The following NEK11 variants were observed in gnomAD, a reference collection of about 807,000 sequenced individuals.
NEK11 encodes the protein NIMA related kinase 11.
Under a neutral mutation model 80.7 loss-of-function variants are expected in NEK11, and 72 were observed. That is an observed-to-expected ratio of 0.89 (90% CI 0.74 to 1.08). The LOEUF is 1.08. NEK11 is among the 50% of genes least tolerant of loss of function. The pLI is 0.00. For synonymous variants in NEK11, 251 were observed against 260.7 expected (o/e 0.96, Z 0.36); for missense variants, 764 against 763.6 (o/e 1.00, Z -0.01).
intron 17 of NEK11, among the ~76,000 whole-genome samples, chr3:131,336,737 T>C (rs920346494): frequency 6.6e-6 from 1 of 152,112 alleles, no homozygotes; most frequent in Non-Finnish European, 1.5e-5. Context: ...AGGGCTAATA[T>C]CCAGAATCTA....
chr3:131,090,865 A>C (rs901637217), intron 4 of NEK11, among the ~76,000 whole-genome samples: 1 of 152,068 alleles, frequency 6.6e-6, no homozygotes. Flanking sequence ...CCTGGACTCA[A>C]ATGCTCTTCC....
chr3:131,233,003 AGG>A (rs1479033305), intron 15 of NEK11, among the ~76,000 whole-genome samples: 1 of 150,610 alleles, frequency 6.6e-6, no homozygotes, highest in Non-Finnish European at 1.5e-5. Flanking sequence ...GAAGGAAGGA[AGG>A]AAGGAAGGAA....
intron 4 of NEK11, among the ~76,000 whole-genome samples, chr3:131,106,607 A>G (rs1245416195): frequency 6.6e-6 from 1 of 152,162 alleles, no homozygotes; most frequent in Non-Finnish European, 1.5e-5. Flanking sequence ...ATATACTTTT[A>G]TTAGCTACTA....
At chr3:131,165,965 C>A (rs901995803) in intron 12 of NEK11, among the ~76,000 whole-genome samples, 1 of 152,054 alleles carries the variant, frequency 6.6e-6, no homozygotes, top group Non-Finnish European at 1.5e-5. Flanking sequence ...TAATTTCATT[C>A]AAATTTTAAC....
rs192642353 is a variant in NEK11, at chr3:131,128,417, C to T, written c.456-4328C>T. Among the ~76,000 whole-genome samples, 7 of 152,304 alleles carry T rather than the reference C, an allele frequency of 4.6e-5. No individual in the cohort carries two copies. In the East Asian group the frequency reaches 1.3e-3, roughly 29 times the overall value. ...TATAGCTGGAATCATATATAGATTT[C>T]TCAGGCTGACTTCTTTCACTTAGTA... On this transcript the variant is annotated intron_variant, in intron 5 of 17. Transcript: ENST00000383366.
At chr3:131,033,626 C>G (rs1015195065) in intron 3 of NEK11, among the ~76,000 whole-genome samples, 2 of 152,180 alleles carry the variant, frequency 1.3e-5, no homozygotes, top group African/African-American at 4.8e-5. Context: ...TAGTACTTAA[C>G]TTTTCCGTCA....
chr3:131,227,767 T>C (rs888322315), intron 14 of NEK11, among the ~76,000 whole-genome samples: 4 of 152,178 alleles, frequency 2.6e-5, no homozygotes, highest in African/African-American at 7.2e-5. Flanking sequence ...TAGTAAATTA[T>C]ATTGTTATGC....
chr3:131,126,112 A>G (rs183149608), intron 5 of NEK11, among the ~76,000 whole-genome samples: 3 of 152,344 alleles, frequency 2.0e-5, no homozygotes. Flanking sequence ...ATTTCTTCTT[A>G]AAGACTTTGA....
chr3:131,327,346 G>T (rs1279166782), intron 17 of NEK11: 1 of 152,238 alleles, frequency 6.6e-6, no homozygotes, highest in African/African-American at 2.4e-5. Flanking sequence ...TTAGACATAA[G>T]GGCTGCAGTA....
chr3:131,131,034 C>G (rs2084357275), intron 5 of NEK11, among the ~76,000 whole-genome samples: 1 of 152,116 alleles, frequency 6.6e-6, no homozygotes, highest in African/African-American at 2.4e-5. Context: ...ACTCCTGACC[C>G]CAGGTGATCC....
intron 4 of NEK11, among the ~76,000 whole-genome samples, chr3:131,091,257 T>C (rs2149148019): frequency 6.6e-6 from 1 of 152,350 alleles, no homozygotes; most frequent in Non-Finnish European, 1.5e-5. Context: ...TCTTTCTTCT[T>C]TTTAAAGTTC....
At chr3:131,076,952 T>C (rs779801658) in intron 3 of NEK11, among the ~76,000 whole-genome samples, 3 of 152,224 alleles carry the variant, frequency 2.0e-5, no homozygotes, top group Non-Finnish European at 4.4e-5. Context: ...TGAAAAGATA[T>C]GTGAAAATTT....
Position 131,303,562 on chromosome 3 carries a change from G to A in NEK11, c.1718+29988G>A, listed in dbSNP as rs145406184. 3.7e-4 allele frequency among the ~76,000 whole-genome samples: 56 copies of A among 152,210 alleles called. No individual in the cohort carries two copies. In the East Asian group the frequency reaches 0.011, roughly 29 times the overall value. Reference sequence around the variant, plus strand: ...CCTTAGAATTTGCTTGTCTTAAAAGGATCTCAGGGTTTTTTGTTGTTGTTG... The same window carrying A: ...CCTTAGAATTTGCTTGTCTTAAAAGAATCTCAGGGTTTTTTGTTGTTGTTG... On this transcript the variant is annotated intron_variant, in intron 17 of 17. Coordinates refer to ENST00000383366, the MANE Select transcript of NEK11 (RefSeq NM_024800.5).
intron 17 of NEK11, chr3:131,327,219 T>C (rs1460475882): frequency 6.6e-6 from 1 of 152,352 alleles, no homozygotes; most frequent in Non-Finnish European, 1.5e-5. Context: ...CCAAGCCCAT[T>C]TCTACAGTCT....
chr3:131,258,228 T>G (rs980618393), intron 16 of NEK11, among the ~76,000 whole-genome samples: 27 of 152,108 alleles, frequency 1.8e-4, no homozygotes, highest in African/African-American at 6.3e-4. Context: ...ACTGCTCTAG[T>G]GATGGGTGCA....
intron 17 of NEK11, among the ~76,000 whole-genome samples, chr3:131,276,992 G>T (rs2096303340): frequency 6.6e-6 from 1 of 152,192 alleles, no homozygotes; most frequent in African/African-American, 2.4e-5. Context: ...TTTGAAGAGT[G>T]CAGGCCAGTT....
At chr3:131,176,970 G>A (rs948174526) in intron 14 of NEK11, among the ~76,000 whole-genome samples, 1 of 152,078 alleles carries the variant, frequency 6.6e-6, no homozygotes, top group African/African-American at 2.4e-5. Flanking sequence ...AATCAATTAA[G>A]CAGAAAATTA....
intron 16 of NEK11, among the ~76,000 whole-genome samples, chr3:131,260,630 G>GC (rs2095899999): frequency 6.6e-6 from 1 of 151,984 alleles, no homozygotes; most frequent in South Asian, 2.1e-4. Flanking sequence ...TTTACTACCC[G>GC]CCCCTTTACA....
intron 16 of NEK11, among the ~76,000 whole-genome samples, chr3:131,272,237 G>T (rs2096204164): frequency 6.6e-6 from 1 of 152,108 alleles, no homozygotes; most frequent in Non-Finnish European, 1.5e-5. Flanking sequence ...CATAACATGA[G>T]TCTCTTCTCT....
Sources: gnomAD v4.1 joint callset for allele counts (sites outside exome capture counted in the v4.1 genomes callset) on GRCh38, gnomAD v4.1.1 for gene constraint, MANE v1.5 for transcripts, NCBI Gene and HGNC (gene_info 2026-07-23, HGNC 2026-07-21) for gene names.